PRDM11: variants seen among roughly 807,000 people sequenced by gnomAD.
The protein encoded by PRDM11 is PR domain-containing protein 11.
Under a neutral mutation model 97.8 loss-of-function variants are expected in PRDM11, and 20 were observed. The ratio of observed to expected loss-of-function variants is 0.20; its 90% CI spans 0.14 to 0.30. The LOEUF (loss-of-function observed/expected upper bound fraction) is 0.30, where lower values mean the gene tolerates loss of function less well. PRDM11 is among the 10% of genes least tolerant of loss of function. The pLI, the probability that PRDM11 is intolerant of heterozygous loss-of-function variation, is 1.00. For synonymous variants in PRDM11, 599 were observed against 637.7 expected, an observed-to-expected ratio of 0.94 and a Z score of 0.91; for missense variants, 1,139 against 1,555.2, an observed-to-expected ratio of 0.73 and a Z score of 4.50.
intron 1 of PRDM11, among the ~76,000 whole-genome samples, chr11:45,110,936 C>T (rs11038300): frequency 0.43 from 65,895 of 151,724 alleles, 17,105 homozygotes; most frequent in Non-Finnish European, 0.58. Flanking sequence ...TCCCCCCTTA[C>T]CCCCCTTTTT....
chr11:45,131,320 G>T (rs529816519), intron 1 of PRDM11, among the ~76,000 whole-genome samples: 2 of 152,234 alleles, frequency 1.3e-5, no homozygotes, highest in East Asian at 1.9e-4. Flanking sequence ...GTTATATGAG[G>T]GTTTTCAGGT....
At chr11:45,101,108 C>T (rs1296036120) in intron 1 of PRDM11, among the ~76,000 whole-genome samples, 1 of 152,182 alleles carries the variant, frequency 6.6e-6, no homozygotes, top group East Asian at 1.9e-4. Context: ...TTTCCCCACA[C>T]TTCTTGCACC....
At chr11:45,204,953 G>A (rs1853454629) in intron 5 of PRDM11, among the ~76,000 whole-genome samples, 175 bp downstream of exon 5, 1 of 152,172 alleles carries the variant, frequency 6.6e-6, no homozygotes, top group Non-Finnish European at 1.5e-5. Flanking sequence ...GCCTCCATCA[G>A]GGGGCTCTAG....
chr11:45,192,345 C>T (rs1280312090), intron 4 of PRDM11, among the ~76,000 whole-genome samples: 1 of 152,098 alleles, frequency 6.6e-6, no homozygotes, highest in African/African-American at 2.4e-5. Flanking sequence ...ATCAGCTTTT[C>T]CAGGAGTAAA....
chr11:45,138,750 A>G (rs1052070178), intron 1 of PRDM11, among the ~76,000 whole-genome samples: 4 of 152,194 alleles, frequency 2.6e-5, no homozygotes, highest in Admixed American at 2.6e-4. Flanking sequence ...AAACAAACAA[A>G]AAGAGCAATC....
chr11:45,143,151 A>C (rs748611444), upstream of PRDM11, among the ~76,000 whole-genome samples: 48 of 152,190 alleles, frequency 3.2e-4, no homozygotes, highest in Non-Finnish European at 8.8e-5. Context: ...TTTTCCAGGT[A>C]CTAAATCCTT....
intron 7 of PRDM11, among the ~76,000 whole-genome samples, 176 bp from the exon 8 acceptor site, chr11:45,225,819 G>A (rs769230938): frequency 1.3e-5 from 2 of 152,166 alleles, no homozygotes; most frequent in African/African-American, 2.4e-5. Context: ...AAGTCACATG[G>A]GCAAGCAGGA....
At chr11:45,143,800 C>T (rs1391102069), upstream of PRDM11, among the ~76,000 whole-genome samples, 1 of 152,126 alleles carries the variant, frequency 6.6e-6, no homozygotes, top group Non-Finnish European at 1.5e-5. Context: ...TGGTAATAAC[C>T]CAGAAGGTGT....
intron 4 of PRDM11, among the ~76,000 whole-genome samples, chr11:45,201,656 G>T (rs938344020): frequency 2.0e-5 from 3 of 152,054 alleles, no homozygotes; most frequent in African/African-American, 7.2e-5. Flanking sequence ...ACCACACTTG[G>T]CTAATTTTTT....
At chr11:45,199,401 G>T (rs891889606) in intron 4 of PRDM11, among the ~76,000 whole-genome samples, 13 of 152,156 alleles carry the variant, frequency 8.5e-5, no homozygotes, top group Non-Finnish European at 1.8e-4. Context: ...CCCTCTAGAT[G>T]CATGCGCGTT....
rs1854066002 is a variant in PRDM11, at chr11:45,219,776, A to G, written c.742+19A>G. On this transcript the variant is annotated intron_variant, in intron 6 of 7. Coordinates refer to ENST00000683152, the MANE Select transcript of PRDM11 (RefSeq NM_001384648.1). This position sits in a 1 kb window ranked among gnomAD's most constrained non-coding sequence, Gnocchi z 4.2. ...GCCAGAGGTGAGTGCCATGCTCCAC[A>G]TGAGCTGCGCCCACCTCTGAGCCCC... is the stretch of plus-strand genomic sequence containing the variant. The G allele has an allele frequency of 1.9e-6, 3 of 1,606,778 alleles. No individual in the cohort carries two copies. Among genetic ancestry groups the G allele is most frequent in the Admixed American group, 1.7e-5 (1 of 59,676 alleles).
intron 1 of PRDM11, among the ~76,000 whole-genome samples, chr11:45,136,489 C>G (rs1490068364): frequency 1.3e-5 from 2 of 152,094 alleles, no homozygotes; most frequent in African/African-American, 4.8e-5. Context: ...AGGTGGAAGA[C>G]AGCTGGAGGA....
At chr11:45,206,307 A>G (rs1368907938) in intron 5 of PRDM11, among the ~76,000 whole-genome samples, 1 of 152,164 alleles carries the variant, frequency 6.6e-6, no homozygotes, top group East Asian at 1.9e-4. Context: ...AGAGGCCCAG[A>G]TGAAAGAGGA....
Position 45,158,630 on chromosome 11 carries a change from A to G in PRDM11, c.-7+11753A>G, listed in dbSNP as rs79959526. Among the ~76,000 whole-genome samples the G allele has an allele frequency of 7.3e-3, 1,119 of 152,312 alleles. 13 individuals are homozygous for G. The highest frequency in any genetic ancestry group is 0.025 in the African/African-American group (1,057 of 41,562). The stretch of plus-strand genomic sequence containing the variant: ...TGCTGTACCCGACTTGGTTGGTCCC[A>G]CACTGAACTCATGACTTGCCATAGA... On this transcript the variant is annotated intron_variant, in intron 1 of 7. Coordinates refer to ENST00000683152, the MANE Select transcript of PRDM11 (RefSeq NM_001384648.1).
At chr11:45,191,684 C>T (rs1339177172) in intron 4 of PRDM11, among the ~76,000 whole-genome samples, 1 of 152,030 alleles carries the variant, frequency 6.6e-6, no homozygotes, top group Non-Finnish European at 1.5e-5. Flanking sequence ...AAAGATATTC[C>T]CACTGTCTCT....
At chr11:45,192,149 G>A (rs1443618597) in intron 4 of PRDM11, among the ~76,000 whole-genome samples, 1 of 152,182 alleles carries the variant, frequency 6.6e-6, no homozygotes, top group African/African-American at 2.4e-5. Flanking sequence ...CAGCATAGCA[G>A]TGGTCATGGA....
intron 5 of PRDM11, among the ~76,000 whole-genome samples, chr11:45,205,602 C>T (rs1853479378): frequency 6.6e-6 from 1 of 152,124 alleles, no homozygotes; most frequent in East Asian, 1.9e-4. Context: ...ACACCATGGG[C>T]CTGGGGCCCT....
At chr11:45,110,107 A>G (rs1291646285) in intron 1 of PRDM11, among the ~76,000 whole-genome samples, 1 of 152,196 alleles carries the variant, frequency 6.6e-6, no homozygotes, top group Non-Finnish European at 1.5e-5. Flanking sequence ...TGTAGTTTAT[A>G]CACTTTGCGT....
chr11:45,208,020 G>A (rs1227875009), intron 5 of PRDM11, among the ~76,000 whole-genome samples: 1 of 152,188 alleles, frequency 6.6e-6, no homozygotes, highest in East Asian at 1.9e-4. Flanking sequence ...GAGCCAAGTG[G>A]GATGGAAGGG....
Sources: gnomAD v4.1 joint callset for allele counts (sites outside exome capture counted in the v4.1 genomes callset) on GRCh38, gnomAD v4.1.1 for gene constraint, Gnocchi (gnomAD v3.1) non-coding constraint, MANE v1.5 for transcripts, NCBI Gene and HGNC (gene_info 2026-07-23, HGNC 2026-07-21) for gene names.